Variants in CNEP1R1 observed in about 807,000 individuals in gnomAD.
CNEP1R1 encodes nuclear envelope phosphatase-regulatory subunit 1.
Under a neutral mutation model 22.7 loss-of-function variants are expected in CNEP1R1, and 10 were observed. The ratio of observed to expected loss-of-function variants is 0.44; its 90% CI spans 0.27 to 0.75. The LOEUF is 0.75. CNEP1R1 is among the 30% of genes least tolerant of loss of function. The pLI is 0.17. For missense variants in CNEP1R1, 73 were observed against 151.5 expected (o/e 0.48, Z 2.72); for synonymous variants, 53 against 50.1 (o/e 1.06, Z -0.25).
At chr16:50,031,500 T>C (rs2036230929) in intron 3 of CNEP1R1, among the ~76,000 whole-genome samples, 1 of 152,148 alleles carries the variant, frequency 6.6e-6, no homozygotes, top group Admixed American at 6.6e-5. Flanking sequence ...AAAAGATCCA[T>C]CTTGGGAAAT....
At chr16:50,031,036 G>C (rs1050227826) in intron 3 of CNEP1R1, among the ~76,000 whole-genome samples, 1 of 151,988 alleles carries the variant, frequency 6.6e-6, no homozygotes, top group African/African-American at 2.4e-5. Context: ...TTTTTTATTA[G>C]AGAAGTAGTT....
chr16:50,033,368 T>G (rs1306141508), intron 3 of CNEP1R1, 29 bp from the exon 4 acceptor site: 1 of 1,219,612 alleles, frequency 8.2e-7, no homozygotes, highest in Non-Finnish European at 1.2e-6. Flanking sequence ...ATTTTTAACA[T>G]TTTTATATTT....
intron 3 of CNEP1R1, among the ~76,000 whole-genome samples, chr16:50,032,890 A>C (rs754553524): frequency 3.7e-4 from 56 of 152,132 alleles, no homozygotes; most frequent in Non-Finnish European, 7.8e-4. Context: ...CTGTAATCCC[A>C]GCTACTTGGG....
At chr16:50,025,749 G>A (rs768079055) in intron 1 of CNEP1R1, 4 of 1,508,926 alleles carry the variant, frequency 2.7e-6, no homozygotes, top group Admixed American at 1.7e-5. Context: ...ACACCACTGC[G>A]GAAAGGATAC....
At chr16:50,025,804 A>G (rs1271872006) in intron 1 of CNEP1R1, 10 of 969,250 alleles carry the variant, frequency 1.0e-5, no homozygotes, top group African/African-American at 8.0e-5. Flanking sequence ...GTCTTCTAGA[A>G]CTAGGCGCTG....
chr16:50,025,849 G>T (rs751324850), intron 1 of CNEP1R1: 25 of 651,040 alleles, frequency 3.8e-5, no homozygotes, highest in Non-Finnish European at 6.5e-5. Context: ...TACCCCTTCG[G>T]AGGGGGCAAG....
chr16:50,032,244 C>T (rs1272517969), intron 3 of CNEP1R1, among the ~76,000 whole-genome samples: 2 of 152,188 alleles, frequency 1.3e-5, no homozygotes, highest in African/African-American at 4.8e-5. Flanking sequence ...TCTTTCTACA[C>T]AGGCTCTAAA....
At chr16:50,026,998 A>T (rs2036190230) in intron 2 of CNEP1R1, 1 of 152,166 alleles carries the variant, frequency 6.6e-6, no homozygotes. Flanking sequence ...AAAAATATTT[A>T]AATTTTTGAA....
Position 50,036,032 on chromosome 16 carries a change from CTT to C in CNEP1R1, c.*578_*579del, listed in dbSNP as rs2036274347. 1 of 151,712 alleles carries C rather than the reference CTT, an allele frequency of 6.6e-6. No homozygotes were observed. Among genetic ancestry groups the C allele is most frequent in the Non-Finnish European group, 1.5e-5 (1 of 67,956 alleles). The allele number at this position is 151,712 out of a possible 1,614,324, so 9.4% of individuals were successfully genotyped here. On this transcript the variant is annotated 3_prime_UTR_variant, in exon 6 of 6. Coordinates refer to ENST00000427478, the MANE Select transcript of CNEP1R1 (RefSeq NM_001281789.2). ...GAAATTATAGATGTTTTGAGAGACACTTTTTGTTAAACCAGATATTGAACTCC... is the reference window on the plus strand; with the variant it reads ...GAAATTATAGATGTTTTGAGAGACACTTTGTTAAACCAGATATTGAACTCC...
rs2036273534 is a variant in CNEP1R1, at chr16:50,035,972, G to A, written c.*514G>A. Reference sequence around the variant, plus strand: ...TACTGCAGGAAAAACATTGGATTCAGCTTAGACTGAGGAAAACTCTCCATT... The same window carrying A: ...TACTGCAGGAAAAACATTGGATTCAACTTAGACTGAGGAAAACTCTCCATT... On this transcript the variant is annotated 3_prime_UTR_variant, in exon 6 of 6. Coordinates refer to ENST00000427478, the MANE Select transcript of CNEP1R1 (RefSeq NM_001281789.2). 1 of 152,802 alleles carries A rather than the reference G, an allele frequency of 6.5e-6. No individual in the cohort carries two copies. Among genetic ancestry groups the A allele is most frequent in the Non-Finnish European group, 1.5e-5 (1 of 68,310 alleles). 9.5% of individuals were successfully genotyped at this position (152,802 alleles called of 1,614,324 possible).
chr16:50,026,369 T>C (rs760477957), intron 1 of CNEP1R1, 27 bp from the exon 2 acceptor site: 3 of 1,538,562 alleles, frequency 1.9e-6, no homozygotes, highest in Non-Finnish European at 8.9e-7. Context: ...GAGTGGCTAA[T>C]TAGAAAATTG....
rs1444790807 is a variant in CNEP1R1, at chr16:50,033,447, T to C, written c.222T>C (p.Cys74=). The change falls in exon 4 of 6, where the codon TGT becomes TGC. Residue 74 remains cysteine, a synonymous_variant. Transcript: ENST00000427478. ...LWNHPFFTIS[C]ITLIGLFFAG... ...ATCACCCATTTTTCACCATTAGCTG[T>C]ATCACTCTAATAGGCTTGTTCTTTG... is the stretch of plus-strand genomic sequence containing the variant. 1.2e-6 allele frequency: 2 copies of C among 1,604,152 alleles called. No individual in the cohort carries two copies. The highest frequency in any genetic ancestry group is 1.7e-5 in the Admixed American group (1 of 59,868).
chr16:50,037,031 G>C lies in CNEP1R1; in HGVS notation c.*1573G>C, dbSNP rs1220876844. ...TATATTCTGCTTTGTTTTATTTTCT[G>C]TAAATTTTGTAGGTAAATATGTGCA... is the stretch of plus-strand genomic sequence containing the variant. On this transcript the variant is annotated 3_prime_UTR_variant, in exon 6 of 6. Coordinates refer to ENST00000427478, the MANE Select transcript of CNEP1R1 (RefSeq NM_001281789.2). 1.3e-5 allele frequency: 2 copies of C among 152,496 alleles called. No individual in the cohort carries two copies. Among genetic ancestry groups the C allele is most frequent in the African/African-American group, 2.4e-5 (1 of 41,406 alleles). 9.4% of individuals were successfully genotyped at this position (152,496 alleles called of 1,614,324 possible). A position where few individuals can be genotyped will look rare whatever the true frequency, so the allele number is the denominator to read the frequency against.
At position 50,036,827 on chromosome 16, in the gene CNEP1R1, T is replaced by A. The variant is rs1198652304; in HGVS notation, c.*1369T>A. The A allele has an allele frequency of 5.2e-5, 8 of 152,664 alleles. No homozygotes were observed. The highest frequency in any genetic ancestry group is 1.9e-4 in the African/African-American group (8 of 41,464). 9.5% of individuals were successfully genotyped at this position (152,664 alleles called of 1,614,324 possible). A position where few individuals can be genotyped will look rare whatever the true frequency, so the allele number is the denominator to read the frequency against. On this transcript the variant is annotated 3_prime_UTR_variant, in exon 6 of 6. Transcript: ENST00000427478. ...AAGGTTTAAATTATTTCATGAGCAATCTTTTAAATTTCATTTAACATAAAG... is the reference window on the plus strand; with the variant it reads ...AAGGTTTAAATTATTTCATGAGCAAACTTTTAAATTTCATTTAACATAAAG...
chr16:50,030,461 G>A (rs11864023), intron 3 of CNEP1R1, among the ~76,000 whole-genome samples: 152,304 of 152,324 alleles, frequency 1, 76,142 homozygotes, highest in Middle Eastern at 1. Flanking sequence ...GAAAAAAATT[G>A]TAAAATAACA....
Position 50,031,611 on chromosome 16 carries a change from T to G in CNEP1R1, c.172-1786T>G, listed in dbSNP as rs184854670. On this transcript the variant is annotated intron_variant, in intron 3 of 5. Transcript: ENST00000427478. ...GTAATTTGAAATAGGCCCAAAACTA[T>G]GTAGTTAATATAATTTTCTAAATTA... 3.6e-3 allele frequency among the ~76,000 whole-genome samples: 556 copies of G among 152,346 alleles called. 2 individuals are homozygous for G. The highest frequency in any genetic ancestry group is 0.013 in the African/African-American group (522 of 41,584).
chr16:50,025,788 G>A, intron 1 of CNEP1R1: 1 of 1,143,200 alleles, frequency 8.7e-7, no homozygotes. Flanking sequence ...CAGCTTAGAC[G>A]CCCCTGTCTT....
intron 5 of CNEP1R1, 27 bp from the exon 6 acceptor site, chr16:50,035,388 GAA>G (rs1306856734): frequency 7.2e-7 from 1 of 1,397,496 alleles, no homozygotes; most frequent in Admixed American, 1.9e-5. Flanking sequence ...ACTGTGTATT[GAA>G]AAAATTCTGT....
At chr16:50,025,502 C>A in intron 1 of CNEP1R1, 162 bp downstream of exon 1, 1 of 1,078,222 alleles carries the variant, frequency 9.3e-7, no homozygotes, top group Non-Finnish European at 1.3e-6. Flanking sequence ...CCTGGCCAGA[C>A]GCGGGGGGCG....
Sources: allele counts gnomAD v4.1 joint callset (sites outside exome capture counted in the v4.1 genomes callset), GRCh38; gene constraint gnomAD v4.1.1; transcripts MANE v1.5; gene names NCBI Gene and HGNC (gene_info 2026-07-23, HGNC 2026-07-21).